SAP130: variants seen among roughly 807,000 people sequenced by gnomAD.
SAP130 encodes Sin3A associated protein 130, also known as histone deacetylase complex subunit SAP130.
SAP130 carries 16 observed loss-of-function variants against 103.2 expected under a neutral mutation model. That is an observed-to-expected ratio of 0.16 (90% CI 0.10 to 0.24). The LOEUF (loss-of-function observed/expected upper bound fraction) is 0.24, where lower values mean the gene tolerates loss of function less well. Ranked by LOEUF, SAP130 falls within the 10% of genes least tolerant of loss-of-function variation. The pLI is 1.00. For synonymous variants in SAP130, 477 were observed against 497.0 expected (o/e 0.96, Z 0.53); for missense variants, 990 against 1,359.7 (o/e 0.73, Z 4.28).
intron 19 of SAP130, among the ~76,000 whole-genome samples, chr2:127,944,270 A>C (rs548907708): frequency 6.6e-6 from 1 of 152,160 alleles, no homozygotes; most frequent in East Asian, 1.9e-4. Context: ...TCCTGGGCCC[A>C]AGCAATCCTC....
intron 2 of SAP130, among the ~76,000 whole-genome samples, chr2:128,022,681 G>A (rs900546388): frequency 3.3e-5 from 5 of 152,136 alleles, no homozygotes; most frequent in East Asian, 1.9e-4. Context: ...TCTCACAGTG[G>A]TTTTAATGTG....
chr2:127,970,220 T>TC (rs1226396865), intron 15 of SAP130, among the ~76,000 whole-genome samples: 8 of 92,588 alleles, frequency 8.6e-5, no homozygotes, highest in Admixed American at 2.6e-4. Context: ...AGACTCCGTC[T>TC]CAAAAAAAAA....
At chr2:127,956,157 TA>T (rs1322806171) in intron 15 of SAP130, among the ~76,000 whole-genome samples, 1 of 152,150 alleles carries the variant, frequency 6.6e-6, no homozygotes, top group Admixed American at 6.6e-5. Context: ...ATAAAAACTC[TA>T]AAAGACTGGG....
intron 13 of SAP130, among the ~76,000 whole-genome samples, chr2:127,988,429 TAA>T (rs11380500): frequency 2.1e-4 from 26 of 126,272 alleles, no homozygotes; most frequent in South Asian, 2.6e-4. Context: ...CTTGTCTTTT[TAA>T]AAAAAAAAAA....
chr2:127,991,235 G>C (rs965980122), intron 12 of SAP130, among the ~76,000 whole-genome samples: 1 of 152,092 alleles, frequency 6.6e-6, no homozygotes, highest in African/African-American at 2.4e-5. Context: ...GGGCAACAGA[G>C]TGAAACTCCG....
intron 15 of SAP130, among the ~76,000 whole-genome samples, chr2:127,962,548 A>G (rs968367717): frequency 3.9e-5 from 6 of 152,226 alleles, no homozygotes; most frequent in Non-Finnish European, 7.3e-5. Flanking sequence ...CTATGCAGCC[A>G]TAAAAAATGA....
intron 10 of SAP130, among the ~76,000 whole-genome samples, chr2:127,998,792 G>A (rs1683345794): frequency 6.6e-6 from 1 of 152,198 alleles, no homozygotes; most frequent in South Asian, 2.1e-4. Context: ...TGGGCCACAA[G>A]GGCCCCTCTT....
intron 10 of SAP130, among the ~76,000 whole-genome samples, chr2:127,998,918 C>T (rs1683356791): frequency 1.3e-5 from 2 of 152,318 alleles, no homozygotes; most frequent in African/African-American, 4.8e-5. Context: ...GCTGATGACG[C>T]AGGCAGAGGA....
chr2:127,954,898 G>T, intron 16 of SAP130, 88 bp downstream of exon 16: 1 of 1,041,766 alleles, frequency 9.6e-7, no homozygotes, highest in Non-Finnish European at 1.4e-6. Flanking sequence ...TCTTGGCTGA[G>T]GGTTACAGAA....
Position 128,028,043 on chromosome 2 carries a change from C to A in SAP130, c.-110G>T. ...CAGGCTCCGGACCCGCAGCCACCGCCGGGGAGCTAGCACTCTGCCCCCCAC... is the reference window on the plus strand; with the variant it reads ...CAGGCTCCGGACCCGCAGCCACCGCAGGGGAGCTAGCACTCTGCCCCCCAC... On this transcript the variant is annotated 5_prime_UTR_variant, in exon 1 of 21. Transcript: ENST00000643581. The A allele has an allele frequency of 1.1e-6, 1 of 934,196 alleles. No homozygotes were observed. The highest frequency in any genetic ancestry group is 1.3e-6 in the Non-Finnish European group (1 of 782,898). 57.9% of individuals were successfully genotyped at this position (934,196 alleles called of 1,614,324 possible).
intron 19 of SAP130, 23 bp downstream of exon 19, chr2:127,945,433 A>T: frequency 7.0e-7 from 1 of 1,428,466 alleles, no homozygotes; most frequent in Non-Finnish European, 9.9e-7. Flanking sequence ...AGCATGATGA[A>T]CAACTGCTAG....
rs546012001 is a variant in SAP130, at chr2:127,968,382, A to G, written c.2063+9603T>C. Among the ~76,000 whole-genome samples the G allele has an allele frequency of 3.4e-5, 5 of 146,190 alleles. No homozygotes were observed. In the South Asian group the frequency reaches 1.1e-3, roughly 33 times the overall value. ...CGCATCGGCCTCCCAAAGTGTTGAG[A>G]TTACAGACGTGAGCCACCATGCCCG... On this transcript the variant is annotated intron_variant, in intron 15 of 20. Coordinates refer to ENST00000643581, the MANE Select transcript of SAP130 (RefSeq NM_001330301.2).
chr2:128,014,658 G>C, intron 5 of SAP130, 145 bp downstream of exon 5: 2 of 609,600 alleles, frequency 3.3e-6, no homozygotes, highest in African/African-American at 1.9e-5. Context: ...TTAAATAAAA[G>C]AGGTTTATTT....
chr2:127,946,573 GACTATA>G (rs950162677), intron 18 of SAP130, among the ~76,000 whole-genome samples: 1 of 151,928 alleles, frequency 6.6e-6, no homozygotes, highest in Non-Finnish European at 1.5e-5. Flanking sequence ...TGGTACCTGT[GACTATA>G]ACTATATTAG....
chr2:127,987,783 A>G (rs1682504697), intron 13 of SAP130, among the ~76,000 whole-genome samples: 1 of 152,074 alleles, frequency 6.6e-6, no homozygotes, highest in Non-Finnish European at 1.5e-5. Flanking sequence ...ATCTCTCTCA[A>G]CCCTCAATAA....
Position 127,955,251 on chromosome 2 carries a change from G to A in SAP130, c.2157C>T (p.Thr719=), listed in dbSNP as rs1395846669. The A allele has an allele frequency of 6.2e-7, 1 of 1,614,098 alleles. No homozygotes were observed. Among genetic ancestry groups the A allele is most frequent in the South Asian group, 1.1e-5 (1 of 91,076 alleles). The change falls in exon 16 of 21, where the codon ACC becomes ACT. Residue 719 remains threonine (T), a synonymous_variant. Coordinates refer to ENST00000643581, the MANE Select transcript of SAP130 (RefSeq NM_001330301.2). The surrounding 1 kb of genome is among the most constrained non-coding windows in gnomAD (Gnocchi z 4.9). ...TVSNQNNDQP[T]IAVPPTAQQP... ...GCTGGGCAGTTGGAGGGACGGCAAT[G>A]GTAGGCTGATCATTATTTTGATTGG...
At chr2:127,945,336 C>G in intron 19 of SAP130, 120 bp downstream of exon 19, 1 of 640,282 alleles carries the variant, frequency 1.6e-6, no homozygotes, top group African/African-American at 1.8e-5. Flanking sequence ...AAAATTCTAT[C>G]ATAACCCATG....
At chr2:127,984,151 A>G (rs563469502) in intron 14 of SAP130, among the ~76,000 whole-genome samples, 10 of 150,872 alleles carry the variant, frequency 6.6e-5, no homozygotes, top group African/African-American at 2.4e-4. Flanking sequence ...TTATCTTCCA[A>G]CTCTTCTACT....
chr2:127,995,511 A>C lies in SAP130; in HGVS notation c.1355+839T>G, dbSNP rs185330506. Among the ~76,000 whole-genome samples, 251 of 152,334 alleles carry C rather than the reference A, an allele frequency of 1.6e-3. 5 individuals carry two copies. The highest frequency in any genetic ancestry group is 0.011 in the Admixed American group (169 of 15,296). The stretch of plus-strand genomic sequence containing the variant: ...ATTAAAAAACAGTAAAATGCTCAAC[A>C]TAATAAATAAATGGGGGTGGATAAG... On this transcript the variant is annotated intron_variant, in intron 11 of 20. Transcript: ENST00000643581.
Sources: gnomAD v4.1 joint callset for allele counts (sites outside exome capture counted in the v4.1 genomes callset) on GRCh38, gnomAD v4.1.1 for gene constraint, Gnocchi (gnomAD v3.1) non-coding constraint, MANE v1.5 for transcripts, NCBI Gene and HGNC (gene_info 2026-07-23, HGNC 2026-07-21) for gene names.